KDM2B: variants seen among roughly 807,000 people sequenced by gnomAD.
The protein encoded by KDM2B is lysine-specific demethylase 2B.
Under a neutral mutation model 150.0 loss-of-function variants are expected in KDM2B, and 26 were observed. That is an observed-to-expected ratio of 0.17 (90% CI 0.13 to 0.24). The LOEUF (loss-of-function observed/expected upper bound fraction) is 0.24. Ranked by LOEUF, KDM2B falls within the 10% of genes least tolerant of loss-of-function variation. The probability of loss-of-function intolerance (pLI) is 1.00; values close to 1 mark genes in which losing one functional copy is unlikely to be tolerated. For missense variants in KDM2B, 1,265 were observed against 1,816.9 expected, an observed-to-expected ratio of 0.70 and a Z score of 5.52; for synonymous variants, 734 against 729.5, an observed-to-expected ratio of 1.01 and a Z score of -0.10.
Position 121,434,393 on chromosome 12 carries a change from G to C in KDM2B, c.3830-3924C>G, listed in dbSNP as rs532237458. ...CACCTGTACTCCCAGCTACACAGGA[G>C]GCTGAGGCAGGAGAATCACTTGAAC... On this transcript the variant is annotated intron_variant, in intron 22 of 22. Coordinates refer to ENST00000377071, the MANE Select transcript of KDM2B (RefSeq NM_032590.5). Among the ~76,000 whole-genome samples the C allele has an allele frequency of 6.6e-5, 10 of 151,776 alleles. No homozygotes were observed. The South Asian group carries it at 8.3e-4, about 13-fold the overall frequency.
In KDM2B at chr12:121,522,587, C is replaced by T. The variant is rs547532762; in HGVS notation, c.932-1487G>A. On this transcript the variant is annotated intron_variant, in intron 8 of 22. Transcript: ENST00000377071. ...TGAGGGCCAGGCACGGTGGCTCATG[C>T]CTATAATCCCAGCACTTTGGAAGAC... 4.0e-5 allele frequency among the ~76,000 whole-genome samples: 6 copies of T among 151,630 alleles called. No homozygotes were observed. In the South Asian group the frequency reaches 1.0e-3, roughly 26 times the overall value.
At chr12:121,426,857 C>T (rs183985384), downstream of KDM2B, among the ~76,000 whole-genome samples, 8 of 152,114 alleles carry the variant, frequency 5.3e-5, no homozygotes, top group Admixed American at 2.0e-4. Context: ...CTCCTGACCT[C>T]GGGTGATTCG....
intron 4 of KDM2B, among the ~76,000 whole-genome samples, chr12:121,560,194 G>C (rs781893897): frequency 2.0e-5 from 3 of 151,682 alleles, no homozygotes; most frequent in African/African-American, 7.3e-5. Context: ...TAGAGACAGG[G>C]TTTCACTCTG....
the KDM2B span, chr12:121,419,805 C>G: frequency 1.9e-5 from 3 of 158,482 alleles, no homozygotes; most frequent in African/African-American, 7.2e-5. Context: ...TGTGGTAGGA[C>G]TGAGATCTTT....
intron 9 of KDM2B, among the ~76,000 whole-genome samples, chr12:121,519,097 C>A (rs1344711670): frequency 6.6e-6 from 1 of 152,160 alleles, no homozygotes; most frequent in Admixed American, 6.5e-5. Flanking sequence ...CAGATCTAGG[C>A]GTCACGTGTC....
Position 121,453,404 on chromosome 12 carries a change from G to C in KDM2B, c.1735-60C>G. 7.3e-7 allele frequency: 1 copy of C among 1,376,770 alleles called. No individual in the cohort carries two copies. The highest frequency in any genetic ancestry group is 9.9e-7 in the Non-Finnish European group (1 of 1,011,390). The allele number at this position is 1,376,770 out of a possible 1,614,324, so 85.3% of individuals were successfully genotyped here. ...AGACTGCAGGCACGGCCAGACCCCC[G>C]GAAAGGGTGTTAGGGAGCAAACTGT... On this transcript the variant is annotated intron_variant, in intron 12 of 22. Coordinates refer to ENST00000377071, the MANE Select transcript of KDM2B (RefSeq NM_032590.5). This position sits in a 1 kb window ranked among gnomAD's most constrained non-coding sequence, Gnocchi z 6.4.
In KDM2B at chr12:121,509,978, C is replaced by G; in HGVS notation, c.1236G>C (p.Glu412Asp). ...FSSDSWLEMEEEACDQQPQEE... is the reference protein window; with the variant it reads ...FSSDSWLEMEDEACDQQPQEE... ...CCTGAGGCTGCTGATCACAGGCCTC[C>G]TCCTCCATCTCCAGCCAGGAATCCG... The change falls in exon 11 of 23, where the codon GAG becomes GAC. Residue 412 changes from glutamate (E) to aspartate (D), a missense_variant. Glu to Asp is a conservative substitution (Grantham distance 45, BLOSUM62 2). Coordinates refer to ENST00000377071, the MANE Select transcript of KDM2B (RefSeq NM_032590.5). 6 of 1,600,700 alleles carry G rather than the reference C, an allele frequency of 3.7e-6. No homozygotes were observed. The highest frequency in any genetic ancestry group is 5.1e-6 in the Non-Finnish European group (6 of 1,172,826).
In KDM2B at chr12:121,566,692, A is replaced by G. The variant is rs946571962; in HGVS notation, c.397+7855T>C. On this transcript the variant is annotated intron_variant, in intron 4 of 22. Transcript: ENST00000377071. ...GCACCTGTAATCCCAGCTATTCAGG[A>G]GGATGAGGCAGGAGAATCGCTTGAA... Among the ~76,000 whole-genome samples the G allele has an allele frequency of 3.3e-5, 5 of 151,946 alleles. No homozygotes were observed. The South Asian group carries it at 6.2e-4, about 19-fold the overall frequency.
At chr12:121,416,499 T>G in the KDM2B span, 1 of 707,440 alleles carries the variant, frequency 1.4e-6, no homozygotes, top group Non-Finnish European at 2.4e-6. Context: ...TTAGTTCCAT[T>G]AGCCATTTTC....
the KDM2B span, among the ~76,000 whole-genome samples, chr12:121,421,382 A>C: frequency 1.2e-4 from 16 of 138,950 alleles, no homozygotes; most frequent in African/African-American, 4.0e-4. Flanking sequence ...AAAAAAAAAA[A>C]AAAAAAAAAA....
rs1167176838 is a variant in KDM2B at position 121,518,994 on chromosome 12, TG to T, written c.1047+1990del. 6.6e-6 allele frequency among the ~76,000 whole-genome samples: 1 copy of T among 151,724 alleles called. No homozygotes were observed. Among genetic ancestry groups the T allele is most frequent in the Non-Finnish European group, 1.5e-5 (1 of 67,916 alleles). On this transcript the variant is annotated intron_variant, in intron 9 of 22. Transcript: ENST00000377071. This position sits in a 1 kb window ranked among gnomAD's most constrained non-coding sequence, Gnocchi z 4.4. ...AGGGTGGGGGCTGGCCTTCCCCAGG[TG>T]GGATGGGGATGGTGGGCCACAGAGA...
At chr12:121,487,837 G>A (rs1005056928) in intron 12 of KDM2B, among the ~76,000 whole-genome samples, 14 of 149,762 alleles carry the variant, frequency 9.3e-5, no homozygotes, top group Non-Finnish European at 1.9e-4. Context: ...CCTGTGGCAC[G>A]GTGTCGCGAT....
At chr12:121,446,209 C>A (rs1028023132) in intron 13 of KDM2B, among the ~76,000 whole-genome samples, 3 of 152,102 alleles carry the variant, frequency 2.0e-5, no homozygotes, top group Non-Finnish European at 4.4e-5. Flanking sequence ...TCCCGGCTAC[C>A]ACGGTGAAAC....
intron 12 of KDM2B, among the ~76,000 whole-genome samples, chr12:121,477,629 G>A (rs1485482016): frequency 2.7e-5 from 4 of 148,572 alleles, no homozygotes; most frequent in Non-Finnish European, 5.9e-5. Flanking sequence ...TCAGGCTGGA[G>A]TGCGATAGCA....
Position 121,493,845 on chromosome 12 carries a change from AT to A in KDM2B, c.1734+733del, listed in dbSNP as rs200078119. 3.7e-3 allele frequency: 566 copies of A among 151,040 alleles called. 2 individuals carry two copies. The highest frequency in any genetic ancestry group is 7.2e-3 in the African/African-American group (299 of 41,436). 9.4% of individuals were successfully genotyped at this position (151,040 alleles called of 1,614,324 possible). A position where few individuals can be genotyped will look rare whatever the true frequency, so the allele number is the denominator to read the frequency against. On this transcript the variant is annotated intron_variant, in intron 12 of 22. Coordinates refer to ENST00000377071, the MANE Select transcript of KDM2B (RefSeq NM_032590.5). ...CTGGTCCTTTCCCGTTTGATTAGAC[AT>A]TTTTTTTTTATTTTATTTTATTTTA...
intron 4 of KDM2B, among the ~76,000 whole-genome samples, chr12:121,552,677 A>T (rs1555311991): frequency 4.1e-5 from 1 of 24,180 alleles, no homozygotes; most frequent in Admixed American, 3.3e-4. Context: ...TGTCTTAATT[A>T]AAAAAAAAAA....
At chr12:121,408,998 G>C in the KDM2B span, among the ~76,000 whole-genome samples, 6 of 151,586 alleles carry the variant, frequency 4.0e-5, no homozygotes, top group Admixed American at 1.3e-4. Context: ...TTGAGATGGA[G>C]TCTTGCTCGG....
intron 11 of KDM2B, among the ~76,000 whole-genome samples, chr12:121,502,571 A>G (rs1057246425): frequency 6.6e-6 from 1 of 151,882 alleles, no homozygotes; most frequent in African/African-American, 2.4e-5. Context: ...CAATGAGCCA[A>G]GATCACACCA....
chr12:121,557,224 CAA>C (rs1555312889), intron 4 of KDM2B, among the ~76,000 whole-genome samples: 2 of 142,950 alleles, frequency 1.4e-5, no homozygotes, highest in Admixed American at 7.3e-5. Flanking sequence ...CCTAATAAGA[CAA>C]GAGAATTTTT....
Sources: allele counts gnomAD v4.1 joint callset (sites outside exome capture counted in the v4.1 genomes callset), GRCh38; gene constraint gnomAD v4.1.1; non-coding constraint Gnocchi (gnomAD v3.1); transcripts MANE v1.5; gene names NCBI Gene and HGNC (gene_info 2026-07-23, HGNC 2026-07-21).